NUFIP2: variants seen among roughly 807,000 people sequenced by gnomAD.
The protein encoded by NUFIP2 is nuclear FMR1 interacting protein 2.
Under a neutral mutation model 56.9 loss-of-function variants are expected in NUFIP2, and 6 were observed. The observed-to-expected ratio is 0.11, with a 90% CI of 0.06 to 0.21. NUFIP2 has a LOEUF of 0.21. NUFIP2 is among the 10% of genes least tolerant of loss of function. The pLI is 1.00. For missense variants in NUFIP2, 828 were observed against 826.8 expected (o/e 1.00, Z -0.02); for synonymous variants, 321 against 298.2 (o/e 1.08, Z -0.79).
rs369352737 is a variant in NUFIP2, at chr17:29,280,165, C to A, written c.2002+5827G>T. 2.6e-5 allele frequency among the ~76,000 whole-genome samples: 4 copies of A among 152,182 alleles called. No homozygotes were observed. The East Asian group carries it at 7.7e-4, about 29-fold the overall frequency. On this transcript the variant is annotated intron_variant, in intron 2 of 3. Transcript: ENST00000225388. ...CAAAATGTCAGCATTTCAAATGCTTCATATCCTTCAGTGCCATAACAGCCA... is the reference window on the plus strand; with the variant it reads ...CAAAATGTCAGCATTTCAAATGCTTAATATCCTTCAGTGCCATAACAGCCA...
chr17:29,268,980 A>T (rs2069055860), intron 2 of NUFIP2, among the ~76,000 whole-genome samples: 1 of 152,222 alleles, frequency 6.6e-6, no homozygotes. Context: ...TACATGTACA[A>T]ATTATAGCGA....
chr17:29,286,447 C>A lies in NUFIP2; in HGVS notation c.1547G>T (p.Ser516Ile). 6.2e-7 allele frequency: 1 copy of A among 1,614,204 alleles called. No homozygotes were observed. Among genetic ancestry groups the A allele is most frequent in the Non-Finnish European group, 8.5e-7 (1 of 1,180,032 alleles). Residue 516 changes from serine (S) to isoleucine (I), a missense_variant, in exon 2 of 4, where the codon AGT becomes ATT. Physicochemically the swap from Ser to Ile is moderately radical, Grantham distance 142. Around this residue, in one of 3 missense-constraint regions of NUFIP2, gnomAD observed 404 missense variants for 380.3 expected, o/e 1.06. Transcript: ENST00000225388. ...CCCAGTAACAGTCTCAGGGCCAGCACTGGGCTCATTTATAAATGATAAACC... is the reference window on the plus strand; with the variant it reads ...CCCAGTAACAGTCTCAGGGCCAGCAATGGGCTCATTTATAAATGATAAACC... The part of the protein sequence containing the change: ...QWGLSFINEP[S>I]AGPETVTGKS...
intron 2 of NUFIP2, among the ~76,000 whole-genome samples, chr17:29,271,967 G>A (rs1004919248): frequency 1.3e-5 from 2 of 151,074 alleles, no homozygotes; most frequent in African/African-American, 2.4e-5. Context: ...TAGCTACTCA[G>A]GAGGCTGAGA....
chr17:29,279,685 C>A (rs797967), intron 2 of NUFIP2, among the ~76,000 whole-genome samples: 149,794 of 152,276 alleles, frequency 0.98, 73,791 homozygotes, highest in Middle Eastern at 1. Context: ...GCTAATGCTT[C>A]AAATTTTTTT....
rs2068972246 is a variant in NUFIP2, at chr17:29,256,555, G to A, written c.*7984C>T. On this transcript the variant is annotated 3_prime_UTR_variant, in exon 4 of 4. Coordinates refer to ENST00000225388, the MANE Select transcript of NUFIP2 (RefSeq NM_020772.3). ...TAACCCTCTTCTGTATATTGAAAAA[G>A]CTATAAAATGGAAATATTTATTTTT... The A allele has an allele frequency of 6.6e-6, 1 of 151,908 alleles. No homozygotes were observed. Among genetic ancestry groups the A allele is most frequent in the African/African-American group, 2.4e-5 (1 of 41,344 alleles). The allele number at this position is 151,908 out of a possible 1,614,324, so 9.4% of individuals were successfully genotyped here.
Position 29,287,623 on chromosome 17 carries a change from A to C in NUFIP2, c.371T>G (p.Leu124Arg). Residue 124 changes from leucine (L) to arginine (R), a missense_variant, in exon 2 of 4, where the codon CTC becomes CGC. Coordinates refer to ENST00000225388, the MANE Select transcript of NUFIP2 (RefSeq NM_020772.3). ...DEATNPISRVLNGNQQVVDTS... is the reference protein window; with the variant it reads ...DEATNPISRVRNGNQQVVDTS... ...GTCTACAACTTGCTGGTTGCCATTG[A>C]GGACCCTGGAAATAGGGTTGGTGGC... The C allele has an allele frequency of 6.2e-7, 1 of 1,614,114 alleles. No homozygotes were observed. Among genetic ancestry groups the C allele is most frequent in the Non-Finnish European group, 8.5e-7 (1 of 1,180,004 alleles).
rs776392757 is a variant in NUFIP2 at position 29,293,964 on chromosome 17, G to A, written c.96C>T (p.His32=). 6.2e-7 allele frequency: 1 copy of A among 1,612,432 alleles called. No homozygotes were observed. The change falls in exon 1 of 4, where the codon CAC becomes CAT. Residue 32 remains histidine (H), a synonymous_variant. Transcript: ENST00000225388. ...GGTTGTAGAAATAATAATGGTGGTG[G>A]TGGTGCGGCTGCTGCTGCTGCTGCT... ...HPQQQQQQPH[H]HHHYYFYNHS... is the part of the protein sequence containing the mutation.
At chr17:29,280,864 T>C (rs1022193506) in intron 2 of NUFIP2, among the ~76,000 whole-genome samples, 3 of 151,856 alleles carry the variant, frequency 2.0e-5, no homozygotes, top group Non-Finnish European at 4.4e-5. Context: ...GGTACATGCC[T>C]GTAATCCCAG....
At chr17:29,272,450 C>T (rs766593850) in intron 2 of NUFIP2, among the ~76,000 whole-genome samples, 63 of 152,062 alleles carry the variant, frequency 4.1e-4, no homozygotes, top group Non-Finnish European at 7.2e-4. Flanking sequence ...CCGTGTTAGC[C>T]AGGATGGTCT....
chr17:29,286,833 G>A lies in NUFIP2; in HGVS notation c.1161C>T (p.Thr387=), dbSNP rs752836574. ...TTGATGATTGGGTCTGAGTTTCCCC[G>A]GTAGATGATGAAGATGATGAAGATG... ...PTSSSSSSSS[T]GETQTQSSSR... Residue 387 remains threonine, a synonymous_variant, in exon 2 of 4, where the codon ACC becomes ACT. Coordinates refer to ENST00000225388, the MANE Select transcript of NUFIP2 (RefSeq NM_020772.3). 3.2e-5 allele frequency: 51 copies of A among 1,614,104 alleles called. No homozygotes were observed. In the East Asian group the frequency reaches 4.7e-4, roughly 15 times the overall value.
Position 29,264,510 on chromosome 17 carries a change from G to C in NUFIP2, c.*29C>G, listed in dbSNP as rs770011613. The C allele has an allele frequency of 5.2e-6, 8 of 1,547,910 alleles. No homozygotes were observed. In the Admixed American group the frequency reaches 1.0e-4, roughly 19 times the overall value. ...CATGAACGATGGCTCTAATGCTGCA[G>C]AAAGGTTACGAATAGGCAGTCTGGT... On this transcript the variant is annotated 3_prime_UTR_variant, in exon 4 of 4. Coordinates refer to ENST00000225388, the MANE Select transcript of NUFIP2 (RefSeq NM_020772.3).
At chr17:29,281,487 G>C (rs1273078756) in intron 2 of NUFIP2, among the ~76,000 whole-genome samples, 2 of 140,606 alleles carry the variant, frequency 1.4e-5, no homozygotes, top group African/African-American at 5.6e-5. Context: ...GCAACACCCT[G>C]TCTCAAAAAA....
chr17:29,293,201 T>C (rs986757688), intron 1 of NUFIP2, among the ~76,000 whole-genome samples: 5 of 149,344 alleles, frequency 3.3e-5, no homozygotes, highest in Non-Finnish European at 6.0e-5. Context: ...CGTTTAGTGG[T>C]GGAAATGACC....
Position 29,286,957 on chromosome 17 carries a change from T to C in NUFIP2, c.1037A>G (p.Asp346Gly). The C allele has an allele frequency of 6.2e-7, 1 of 1,614,172 alleles. No individual in the cohort carries two copies. The highest frequency in any genetic ancestry group is 8.5e-7 in the Non-Finnish European group (1 of 1,180,016). ...AGGAACTATTTTAGCACTGCTATTG[T>C]CCACTGGAAAAACTGGGGGTGGTTT... ...LFKPPPVFPV[D>G]NSSAKIVPKI... Residue 346 changes from aspartate (D) to glycine (G), a missense_variant, in exon 2 of 4, where the codon GAC becomes GGC. Asp to Gly is a moderately conservative substitution (Grantham distance 94, BLOSUM62 -1). Around this residue, in one of 3 missense-constraint regions of NUFIP2, gnomAD observed 9 missense variants for 37.8 expected, o/e 0.24. Coordinates refer to ENST00000225388, the MANE Select transcript of NUFIP2 (RefSeq NM_020772.3).
In NUFIP2 at chr17:29,259,793, T is replaced by C. The variant is rs931499763; in HGVS notation, c.*4746A>G. 1 of 152,178 alleles carries C rather than the reference T, an allele frequency of 6.6e-6. No homozygotes were observed. The highest frequency in any genetic ancestry group is 1.9e-4 in the East Asian group (1 of 5,200). The allele number at this position is 152,178 out of a possible 1,614,324, so 9.4% of individuals were successfully genotyped here. ...ATCATGCTGCAATGGGTGTTTTTAT[T>C]ATGCAGACAACCGAAAATTCTATTC... On this transcript the variant is annotated 3_prime_UTR_variant, in exon 4 of 4. Coordinates refer to ENST00000225388, the MANE Select transcript of NUFIP2 (RefSeq NM_020772.3).
chr17:29,282,778 TAC>T (rs2069148368), intron 2 of NUFIP2, among the ~76,000 whole-genome samples: 1 of 151,978 alleles, frequency 6.6e-6, no homozygotes, highest in Non-Finnish European at 1.5e-5. Context: ...ATCTGAAAAC[TAC>T]ACTAAAGCAC....
chr17:29,289,822 T>C (rs2153012829), intron 1 of NUFIP2, among the ~76,000 whole-genome samples: 1 of 152,326 alleles, frequency 6.6e-6, no homozygotes, highest in South Asian at 2.1e-4. Flanking sequence ...CATTTTCTTC[T>C]CCTGTATTAA....
chr17:29,265,448 G>A (rs1339286271), intron 3 of NUFIP2, among the ~76,000 whole-genome samples: 3 of 146,142 alleles, frequency 2.1e-5, no homozygotes, highest in African/African-American at 7.4e-5. Flanking sequence ...GACTACAGGC[G>A]CCCGCTACCA....
chr17:29,269,966 C>T (rs1453172893), intron 2 of NUFIP2, among the ~76,000 whole-genome samples: 5 of 152,076 alleles, frequency 3.3e-5, no homozygotes, highest in African/African-American at 4.8e-5. Context: ...GTGATCCACC[C>T]GGCTCGGCCT....
Sources: allele counts gnomAD v4.1 joint callset (sites outside exome capture counted in the v4.1 genomes callset), GRCh38; gene constraint gnomAD v4.1.1; regional missense constraint gnomAD v4.1.1; transcripts MANE v1.5; gene names NCBI Gene and HGNC (gene_info 2026-07-23, HGNC 2026-07-21).